Variants in ANO3 observed in about 807,000 individuals in gnomAD.
The protein encoded by ANO3 is anoctamin-3.
ANO3 carries 99 observed loss-of-function variants against 144.8 expected under a neutral mutation model. The ratio of observed to expected loss-of-function variants is 0.68; its 90% CI spans 0.58 to 0.81. The LOEUF is 0.81. ANO3 is among the 30% of genes least tolerant of loss of function. The pLI is 0.00. For synonymous variants in ANO3, 414 were observed against 392.6 expected (o/e 1.05, Z -0.64); for missense variants, 905 against 1,202.2 (o/e 0.75, Z 3.66).
intron 1 of ANO3, among the ~76,000 whole-genome samples, chr11:26,190,360 T>C (rs1331817563): frequency 6.6e-6 from 1 of 152,172 alleles, no homozygotes; most frequent in Non-Finnish European, 1.5e-5. Flanking sequence ...GTTCTTATAC[T>C]GTAAACAGGA....
At chr11:26,417,578 C>A (rs1440283295) in intron 1 of ANO3, among the ~76,000 whole-genome samples, 1 of 152,010 alleles carries the variant, frequency 6.6e-6, no homozygotes, top group Non-Finnish European at 1.5e-5. Flanking sequence ...ATAGACAGAA[C>A]AGAGGCACAT....
intron 14 of ANO3, among the ~76,000 whole-genome samples, chr11:26,582,289 G>A (rs447857): frequency 0.017 from 2,517 of 152,212 alleles, 73 homozygotes; most frequent in African/African-American, 0.057. Context: ...GTTTACTTAC[G>A]GTGACAAGTA....
chr11:26,319,497 A>C (rs941372335), intron 1 of ANO3, among the ~76,000 whole-genome samples: 2 of 152,214 alleles, frequency 1.3e-5, no homozygotes, highest in Admixed American at 1.3e-4. Context: ...TTTTGCTGCC[A>C]AGAAAAATGA....
At chr11:26,610,308 A>ATT (rs34715952) in intron 17 of ANO3, among the ~76,000 whole-genome samples, 4,086 of 130,228 alleles carry the variant, frequency 0.031, 171 homozygotes, top group African/African-American at 0.092. Flanking sequence ...GATGTTGAGC[A>ATT]TTTTTTTTTT....
intron 1 of ANO3, among the ~76,000 whole-genome samples, chr11:26,291,390 G>A (rs1236639387): frequency 2.6e-5 from 4 of 152,008 alleles, no homozygotes; most frequent in African/African-American, 9.7e-5. Context: ...TTTTAATTGG[G>A]TTATTTAGCC....
chr11:26,208,759 A>T (rs1232967382), intron 1 of ANO3, among the ~76,000 whole-genome samples: 1 of 152,150 alleles, frequency 6.6e-6, no homozygotes, highest in East Asian at 1.9e-4. Context: ...AAAATAAAAA[A>T]CCTAGACTGC....
At chr11:26,453,191 C>T (rs563366477) in intron 3 of ANO3, among the ~76,000 whole-genome samples, 1 of 152,264 alleles carries the variant, frequency 6.6e-6, no homozygotes, top group African/African-American at 2.4e-5. Context: ...AAATAACCAG[C>T]TAACATCATA....
chr11:26,507,519 A>C (rs2134135827), intron 4 of ANO3, among the ~76,000 whole-genome samples: 1 of 152,328 alleles, frequency 6.6e-6, no homozygotes, highest in East Asian at 1.9e-4. Context: ...CAAACAACTT[A>C]GGGATTATTT....
intron 1 of ANO3, among the ~76,000 whole-genome samples, chr11:26,195,378 C>A (rs1021502329): frequency 6.6e-6 from 1 of 152,094 alleles, no homozygotes; most frequent in African/African-American, 2.4e-5. Flanking sequence ...TATGTATGTA[C>A]CAGAAATTAA....
chr11:26,492,168 T>C (rs1364629023), intron 4 of ANO3, among the ~76,000 whole-genome samples: 1 of 152,236 alleles, frequency 6.6e-6, no homozygotes, highest in Non-Finnish European at 1.5e-5. Flanking sequence ...TAGATTCTCT[T>C]TGAAGCATTA....
At chr11:26,650,714 G>A (rs569454222) in intron 24 of ANO3, among the ~76,000 whole-genome samples, 15 of 152,218 alleles carry the variant, frequency 9.9e-5, no homozygotes, top group African/African-American at 2.6e-4. Flanking sequence ...TTGAATAGAT[G>A]CCTTTTAAAT....
intron 4 of ANO3, among the ~76,000 whole-genome samples, chr11:26,467,831 C>T (rs7940868): frequency 0.071 from 10,741 of 151,750 alleles, 629 homozygotes; most frequent in African/African-American, 0.16. Flanking sequence ...TTTTTCATCC[C>T]TATGTGGCTA....
intron 17 of ANO3, among the ~76,000 whole-genome samples, chr11:26,606,662 C>G (rs1308227336): frequency 6.6e-6 from 1 of 151,538 alleles, no homozygotes; most frequent in Non-Finnish European, 1.5e-5. Context: ...CTGTGTGTGT[C>G]CTTGCCCATG....
In ANO3 at chr11:26,643,316, G is replaced by T; in HGVS notation, c.2410G>T (p.Ala804Ser). 1 of 1,614,030 alleles carries T rather than the reference G, an allele frequency of 6.2e-7. No homozygotes were observed. The highest frequency in any genetic ancestry group is 8.5e-7 in the Non-Finnish European group (1 of 1,179,986). The change falls in exon 23 of 27, where the codon GCC becomes TCC. Residue 804 changes from alanine (A) to serine (S), a missense_variant. By Grantham distance (99) the Ala-to-Ser change is moderately conservative. Transcript: ENST00000256737. The stretch of plus-strand genomic sequence containing the variant: ...CACTCAATGGCGGAGGCCTTTGCCA[G>T]CCCGAGCAACTGACATAGGTAAGAT... Reference protein sequence around the residue: ...FVTQWRRPLPARATDIGIWLG... With the variant: ...FVTQWRRPLPSRATDIGIWLG...
At chr11:26,202,327 T>A (rs1359937122) in intron 1 of ANO3, among the ~76,000 whole-genome samples, 1 of 146,252 alleles carries the variant, frequency 6.8e-6, no homozygotes, top group East Asian at 1.9e-4. Flanking sequence ...TAGATACATA[T>A]GATATATATA....
intron 1 of ANO3, among the ~76,000 whole-genome samples, chr11:26,414,039 G>A (rs547060682): frequency 6.6e-6 from 1 of 152,210 alleles, no homozygotes; most frequent in East Asian, 1.9e-4. Flanking sequence ...AACTTTGTGA[G>A]ATACCATCTC....
chr11:26,469,352 G>A (rs1468068031), intron 4 of ANO3, among the ~76,000 whole-genome samples: 1 of 151,874 alleles, frequency 6.6e-6, no homozygotes, highest in Non-Finnish European at 1.5e-5. Flanking sequence ...ATGTGAGGGA[G>A]TGGTGTATAT....
intron 1 of ANO3, among the ~76,000 whole-genome samples, chr11:26,410,641 G>C (rs550423957): frequency 2.0e-5 from 3 of 152,018 alleles, no homozygotes; most frequent in Non-Finnish European, 4.4e-5. Flanking sequence ...TATTTGAAGA[G>C]CTGTCACATG....
intron 4 of ANO3, among the ~76,000 whole-genome samples, chr11:26,477,685 G>T (rs925484018): frequency 6.6e-6 from 1 of 152,006 alleles, no homozygotes; most frequent in Non-Finnish European, 1.5e-5. Flanking sequence ...CAGGAACTCA[G>T]GATAAACTTG....
Sources: gnomAD v4.1 joint callset for allele counts (sites outside exome capture counted in the v4.1 genomes callset) on GRCh38, gnomAD v4.1.1 for gene constraint, MANE v1.5 for transcripts, NCBI Gene and HGNC (gene_info 2026-07-23, HGNC 2026-07-21) for gene names.